The following PCDH15 variants were observed in gnomAD, a reference collection of about 807,000 sequenced individuals.
The protein encoded by PCDH15 is protocadherin related 15.
A neutral mutation model predicts 178.5 loss-of-function variants in PCDH15; 129 were observed. The ratio of observed to expected loss-of-function variants is 0.72; its 90% CI spans 0.63 to 0.84. The LOEUF is 0.84. PCDH15 is among the 40% of genes least tolerant of loss of function. The pLI, the probability that PCDH15 is intolerant of heterozygous loss-of-function variation, is 0.00. For missense variants in PCDH15, 2,230 were observed against 2,099.9 expected (o/e 1.06, Z -1.21); for synonymous variants, 800 against 732.0 (o/e 1.09, Z -1.50).
At chr10:54,155,089 T>C (rs1418734276) in intron 13 of PCDH15, among the ~76,000 whole-genome samples, 4 of 152,204 alleles carry the variant, frequency 2.6e-5, no homozygotes, top group Non-Finnish European at 4.4e-5. Context: ...TTGGATTCAA[T>C]ATTAACATTC....
intron 1 of PCDH15, among the ~76,000 whole-genome samples, chr10:54,727,350 T>C (rs904164346): frequency 1.3e-5 from 2 of 151,596 alleles, no homozygotes; most frequent in African/African-American, 4.8e-5. Context: ...CTTGAATCAC[T>C]TTTGGGTAAA....
chr10:55,367,425 A>T (rs940334331), intron 2 of PCDH15, among the ~76,000 whole-genome samples: 1 of 151,922 alleles, frequency 6.6e-6, no homozygotes, highest in African/African-American at 2.4e-5. Context: ...GCCACATAAT[A>T]AAAAAGTTAG....
intron 2 of PCDH15, among the ~76,000 whole-genome samples, chr10:55,132,848 G>C (rs936080316): frequency 1.3e-5 from 2 of 152,126 alleles, no homozygotes; most frequent in African/African-American, 4.8e-5. Context: ...ACAGAATAAG[G>C]TTTGGAGAGT....
At chr10:55,241,365 A>G (rs769637753) in intron 1 of PCDH15, among the ~76,000 whole-genome samples, 3 of 152,188 alleles carry the variant, frequency 2.0e-5, no homozygotes, top group Non-Finnish European at 4.4e-5. Flanking sequence ...CACCATTAAA[A>G]TTAAGTTATT....
intron 2 of PCDH15, among the ~76,000 whole-genome samples, chr10:55,379,673 C>A (rs146690359): frequency 0.011 from 1,625 of 151,996 alleles, 27 homozygotes; most frequent in African/African-American, 0.035. Flanking sequence ...GAATCCATAA[C>A]CTCAAATACT....
chr10:55,308,334 G>T (rs1843484842), intron 1 of PCDH15, among the ~76,000 whole-genome samples: 1 of 152,140 alleles, frequency 6.6e-6, no homozygotes, highest in South Asian at 2.1e-4. Flanking sequence ...GGCTGTGCTG[G>T]AGTAAGCATT....
intron 28 of PCDH15, 78 bp downstream of exon 28, chr10:53,857,097 C>T: frequency 4.7e-6 from 5 of 1,074,752 alleles, no homozygotes; most frequent in Non-Finnish European, 7.0e-6. Flanking sequence ...TCCCCTGAAT[C>T]TAAAATAAAA....
At chr10:54,090,309 T>A (rs1229595901) in intron 15 of PCDH15, among the ~76,000 whole-genome samples, 2 of 152,184 alleles carry the variant, frequency 1.3e-5, no homozygotes. Flanking sequence ...TTAATTAACT[T>A]AATTAATGAA....
chr10:53,866,049 G>A (rs1273797037), intron 27 of PCDH15, among the ~76,000 whole-genome samples: 1 of 152,062 alleles, frequency 6.6e-6, no homozygotes, highest in Non-Finnish European at 1.5e-5. Context: ...CTAAACTTCT[G>A]CACTGCCTAA....
chr10:55,335,245 T>A (rs1244711512), intron 2 of PCDH15, among the ~76,000 whole-genome samples: 1 of 152,132 alleles, frequency 6.6e-6, no homozygotes, highest in Non-Finnish European at 1.5e-5. Flanking sequence ...GGTACTATTG[T>A]CTTACTAAAT....
intron 2 of PCDH15, among the ~76,000 whole-genome samples, chr10:54,960,579 A>G (rs891745068): frequency 1.3e-5 from 2 of 152,188 alleles, no homozygotes; most frequent in African/African-American, 4.8e-5. Context: ...TCCATAATAA[A>G]AAAAGATTAA....
rs558757078 is a variant in PCDH15, at chr10:54,996,866, T to C, written c.-79-99366A>G. ...TGGCTCACACCTGTAATCCCAGCAC[T>C]TTGGGAGCCCAAGGTAGGTGGATCA... On this transcript the variant is annotated intron_variant, in intron 2 of 5. Coordinates refer to the PCDH15 transcript ENST00000458638. Among the ~76,000 whole-genome samples the C allele has an allele frequency of 1.1e-4, 16 of 152,190 alleles. No individual in the cohort carries two copies. The South Asian group carries it at 3.1e-3, about 30-fold the overall frequency.
intron 23 of PCDH15, among the ~76,000 whole-genome samples, chr10:53,959,252 T>TTA (rs145704041): frequency 0.4 from 58,367 of 147,554 alleles, 11,798 homozygotes; most frequent in Middle Eastern, 0.54. Context: ...CACACTACAT[T>TTA]TATATATATA....
intron 2 of PCDH15, among the ~76,000 whole-genome samples, chr10:55,587,991 C>T (rs748208818): frequency 2.5e-4 from 38 of 152,262 alleles, no homozygotes; most frequent in Non-Finnish European, 4.9e-4. Context: ...AGTGCTGAAT[C>T]GACAGCATAT....
At chr10:54,823,850 G>T (rs2133743362) in intron 3 of PCDH15, among the ~76,000 whole-genome samples, 1 of 152,120 alleles carries the variant, frequency 6.6e-6, no homozygotes, top group African/African-American at 2.4e-5. Flanking sequence ...TACAACCCAA[G>T]AAATAATACT....
At chr10:55,351,543 T>TA (rs1168655953) in intron 2 of PCDH15, among the ~76,000 whole-genome samples, 2 of 152,144 alleles carry the variant, frequency 1.3e-5, no homozygotes, top group Non-Finnish European at 2.9e-5. Flanking sequence ...TTCACTCTGA[T>TA]AAAATTAAGT....
chr10:55,204,697 C>T (rs1468225862), intron 1 of PCDH15, among the ~76,000 whole-genome samples: 1 of 152,026 alleles, frequency 6.6e-6, no homozygotes, highest in Non-Finnish European at 1.5e-5. Flanking sequence ...TGGACTCCAA[C>T]ATACACTGCA....
chr10:54,967,963 C>G (rs1344643348), intron 2 of PCDH15, among the ~76,000 whole-genome samples: 2 of 152,106 alleles, frequency 1.3e-5, no homozygotes, highest in African/African-American at 2.4e-5. Context: ...AGGATCTACC[C>G]TAATGCCTTC....
At chr10:55,255,221 T>G (rs1453451352) in intron 1 of PCDH15, among the ~76,000 whole-genome samples, 2 of 86,398 alleles carry the variant, frequency 2.3e-5, no homozygotes, top group Non-Finnish European at 2.6e-5. Context: ...TTTGTCCTTG[T>G]GATAGTTTGC....
Sources: allele counts gnomAD v4.1 joint callset (sites outside exome capture counted in the v4.1 genomes callset), GRCh38; gene constraint gnomAD v4.1.1; transcripts MANE v1.5; gene names NCBI Gene and HGNC (gene_info 2026-07-23, HGNC 2026-07-21).